Variants in AQP9 observed in about 807,000 individuals in gnomAD.
AQP9 encodes the protein aquaporin-9.
In AQP9, 19 loss-of-function variants were observed where a neutral mutation model predicts 23.8. That is an observed-to-expected ratio of 0.80 (90% CI 0.56 to 1.17). The LOEUF (loss-of-function observed/expected upper bound fraction) is 1.17, where lower values mean the gene tolerates loss of function less well. Ranked by LOEUF, AQP9 falls within the 50% of genes most tolerant of loss-of-function variation. The pLI is 0.00. For synonymous variants in AQP9, 153 were observed against 131.5 expected, an observed-to-expected ratio of 1.16 and a Z score of -1.12; for missense variants, 413 against 362.0, an observed-to-expected ratio of 1.14 and a Z score of -1.14.
Position 58,184,680 on chromosome 15 carries a change from T to C in AQP9, c.*545T>C, listed in dbSNP as rs575550675. 4.6e-5 allele frequency: 7 copies of C among 152,422 alleles called. No homozygotes were observed. The East Asian group carries it at 7.7e-4, about 17-fold the overall frequency. 9.4% of individuals were successfully genotyped at this position (152,422 alleles called of 1,614,324 possible). A position where few individuals can be genotyped will look rare whatever the true frequency, so the allele number is the denominator to read the frequency against. ...AAATACTGATATTCTCCAAACCTAG[T>C]GGTGTAGGGAGCAAGAGAATGCAGC... is the stretch of plus-strand genomic sequence containing the variant. On this transcript the variant is annotated 3_prime_UTR_variant, in exon 6 of 6. Transcript: ENST00000219919.
chr15:58,170,209 T>A (rs1390718792), intron 2 of AQP9, among the ~76,000 whole-genome samples: 1 of 152,140 alleles, frequency 6.6e-6, no homozygotes, highest in Non-Finnish European at 1.5e-5. Context: ...TAGCAGCCAC[T>A]TGGCCTCTAA....
intron 2 of AQP9, among the ~76,000 whole-genome samples, chr15:58,172,617 G>A (rs757462691): frequency 6.6e-6 from 1 of 152,136 alleles, no homozygotes; most frequent in Admixed American, 6.5e-5. Flanking sequence ...TTTTGAGCTT[G>A]TTTTTATATC....
chr15:58,158,629 T>C (rs1898311989), intron 1 of AQP9, among the ~76,000 whole-genome samples: 2 of 152,210 alleles, frequency 1.3e-5, no homozygotes, highest in Admixed American at 1.3e-4. Flanking sequence ...GTACAGTATT[T>C]ATTCCAAAGC....
At chr15:58,180,062 A>C (rs1898848942) in intron 5 of AQP9, among the ~76,000 whole-genome samples, 1 of 152,190 alleles carries the variant, frequency 6.6e-6, no homozygotes. Flanking sequence ...TCTACTTCAG[A>C]ATGTGCTGAG....
At chr15:58,148,160 T>C (rs1898082723) in intron 1 of AQP9, among the ~76,000 whole-genome samples, 1 of 152,022 alleles carries the variant, frequency 6.6e-6, no homozygotes, top group Admixed American at 6.6e-5. Flanking sequence ...TTGTAGGGAG[T>C]TGCTCAAAAT....
intron 1 of AQP9, among the ~76,000 whole-genome samples, chr15:58,143,118 A>G (rs1171652889): frequency 1.3e-5 from 2 of 152,208 alleles, no homozygotes; most frequent in African/African-American, 4.8e-5. Flanking sequence ...GTCTACCGTC[A>G]GTTTTACCTG....
At chr15:58,145,157 T>C (rs1309590617) in intron 1 of AQP9, among the ~76,000 whole-genome samples, 1 of 152,182 alleles carries the variant, frequency 6.6e-6, no homozygotes, top group African/African-American at 2.4e-5. Flanking sequence ...ATTGAGTTGA[T>C]CAGCTTTCTT....
intron 1 of AQP9, among the ~76,000 whole-genome samples, chr15:58,158,023 A>T (rs760664765): frequency 3.3e-5 from 5 of 152,162 alleles, no homozygotes; most frequent in Admixed American, 1.3e-4. Context: ...AGGAACTATA[A>T]GGAGACAAAT....
chr15:58,155,866 AG>A (rs1173729912), intron 1 of AQP9: 1 of 152,158 alleles, frequency 6.6e-6, no homozygotes, highest in Non-Finnish European at 1.5e-5. Context: ...TTATTCTAGC[AG>A]TTATTTCTAT....
chr15:58,176,745 G>A (rs890534510), intron 4 of AQP9, among the ~76,000 whole-genome samples: 9 of 151,818 alleles, frequency 5.9e-5, no homozygotes, highest in Non-Finnish European at 1.2e-4. Flanking sequence ...GGAGTAGCTA[G>A]GATTCCCAGT....
At chr15:58,169,777 T>TA (rs1898581075) in intron 2 of AQP9, among the ~76,000 whole-genome samples, 1 of 152,230 alleles carries the variant, frequency 6.6e-6, no homozygotes, top group African/African-American at 2.4e-5. Context: ...CATAATACCC[T>TA]AATTATGTAG....
At chr15:58,175,844 A>T (rs970574228) in intron 4 of AQP9, among the ~76,000 whole-genome samples, 4 of 152,228 alleles carry the variant, frequency 2.6e-5, no homozygotes, top group Non-Finnish European at 2.9e-5. Context: ...TCATGTCCTC[A>T]GCTTTTTTAC....
chr15:58,149,349 T>C (rs113104574), intron 1 of AQP9, among the ~76,000 whole-genome samples: 57 of 152,360 alleles, frequency 3.7e-4, no homozygotes, highest in Middle Eastern at 3.4e-3. Flanking sequence ...TGCCTCACCA[T>C]GGCGCAAATG....
chr15:58,175,176 T>TTCTTGATAA, intron 4 of AQP9, 140 bp downstream of exon 4: 1 of 829,558 alleles, frequency 1.2e-6, no homozygotes, highest in Non-Finnish European at 1.9e-6. Flanking sequence ...AACCCAAGCT[T>TTCTTGATAA]TCTTGATAAT....
At chr15:58,175,420 G>A (rs1898729362) in intron 4 of AQP9, among the ~76,000 whole-genome samples, 1 of 152,190 alleles carries the variant, frequency 6.6e-6, no homozygotes, top group Admixed American at 6.5e-5. Context: ...GTGAAGGGTG[G>A]TAGTTGAGCC....
intron 1 of AQP9, among the ~76,000 whole-genome samples, chr15:58,145,904 T>A (rs1217554445): frequency 6.6e-6 from 1 of 152,202 alleles, no homozygotes; most frequent in Non-Finnish European, 1.5e-5. Flanking sequence ...GCTGATACAT[T>A]TTAGGTTGAT....
intron 2 of AQP9, among the ~76,000 whole-genome samples, chr15:58,169,097 A>T (rs1221654451): frequency 1.3e-5 from 2 of 152,216 alleles, no homozygotes; most frequent in African/African-American, 2.4e-5. Context: ...CAGCAGGAAG[A>T]AGAAGGAGTG....
chr15:58,173,993 C>T (rs1207891035), intron 3 of AQP9, among the ~76,000 whole-genome samples: 10 of 151,936 alleles, frequency 6.6e-5, no homozygotes, highest in African/African-American at 2.4e-4. Flanking sequence ...AGAAATGGGT[C>T]ATGGAGGGCT....
rs376183163 is a variant in AQP9 at position 58,148,451 on chromosome 15, C to G, written c.111+9775C>G. Among the ~76,000 whole-genome samples, 6 of 152,246 alleles carry G rather than the reference C, an allele frequency of 3.9e-5. No individual in the cohort carries two copies. In the South Asian group the frequency reaches 1.2e-3, roughly 32 times the overall value. The stretch of plus-strand genomic sequence containing the variant: ...AAACATACTTTGAGATTTGCAGACC[C>G]TGGAAACACATCAGTCCTCAGAACT... On this transcript the variant is annotated intron_variant, in intron 1 of 5. Coordinates refer to ENST00000219919, the MANE Select transcript of AQP9 (RefSeq NM_020980.5).
Sources: allele counts gnomAD v4.1 joint callset (sites outside exome capture counted in the v4.1 genomes callset), GRCh38; gene constraint gnomAD v4.1.1; transcripts MANE v1.5; gene names NCBI Gene and HGNC (gene_info 2026-07-23, HGNC 2026-07-21).